TRPM5: variants seen among roughly 807,000 people sequenced by gnomAD.
The protein encoded by TRPM5 is MLSN1 and TRP-related.
Under a neutral mutation model 124.9 loss-of-function variants are expected in TRPM5, and 121 were observed. That is an observed-to-expected ratio of 0.97 (90% CI 0.84 to 1.13). The LOEUF (loss-of-function observed/expected upper bound fraction) is 1.13. Among genes scored for constraint, TRPM5 ranks in the 50% most tolerant of loss-of-function variants. TRPM5 has a pLI of 0.00. For synonymous variants in TRPM5, 781 were observed against 700.5 expected, an observed-to-expected ratio of 1.11 and a Z score of -1.81; for missense variants, 1,643 against 1,589.1, an observed-to-expected ratio of 1.03 and a Z score of -0.58.
exon 1 of TRPM5, chr11:2,422,926 T>C (rs1329215325): frequency 4.3e-6 from 7 of 1,613,196 alleles, no homozygotes; most frequent in Non-Finnish European, 5.9e-6. Flanking sequence ...TTACCTTGCC[T>C]CGCTTCTTCC....
intron 19 of TRPM5, 151 bp downstream of exon 24, chr11:2,407,608 G>A (rs1850349586): frequency 1.9e-6 from 2 of 1,065,404 alleles, no homozygotes; most frequent in Non-Finnish European, 2.7e-6. Context: ...AAGCCCTGCA[G>A]TCCAGGCTAT....
the TRPM5 span, among the ~76,000 whole-genome samples, chr11:2,431,004 A>G: frequency 6.6e-6 from 1 of 152,026 alleles, no homozygotes; most frequent in African/African-American, 2.4e-5. Flanking sequence ...AATAGTGGTT[A>G]TGGTAGCAGG....
chr11:2,441,691 T>C, the TRPM5 span, among the ~76,000 whole-genome samples: 2 of 151,876 alleles, frequency 1.3e-5, no homozygotes, highest in Non-Finnish European at 2.9e-5. This position sits in a 1 kb window ranked among gnomAD's most constrained non-coding sequence, Gnocchi z 7.2. Flanking sequence ...AGTGAGTTAT[T>C]AGAATTTTTT....
At chr11:2,413,083 C>T in intron 14 of TRPM5, 51 bp downstream of exon 19, 2 of 1,541,216 alleles carry the variant, frequency 1.3e-6, no homozygotes, top group Non-Finnish European at 1.8e-6. Flanking sequence ...TCCAGCCTCC[C>T]AGCCACCACC....
At chr11:2,431,724 C>G in the TRPM5 span, among the ~76,000 whole-genome samples, 1 of 148,048 alleles carries the variant, frequency 6.8e-6, no homozygotes, top group African/African-American at 2.6e-5. Flanking sequence ...GATCTCAGCT[C>G]TCATGTCCTT....
At chr11:2,404,833 G>C (rs538355771) in exon 24 of TRPM5, 1 of 898,180 alleles carries the variant, frequency 1.1e-6, no homozygotes, top group Non-Finnish European at 1.7e-6. Context: ...CTGGGGGGCT[G>C]GTGCCCCCTG....
At chr11:2,423,227 C>G (rs1039119609), upstream of TRPM5, among the ~76,000 whole-genome samples, 2 of 152,160 alleles carry the variant, frequency 1.3e-5, no homozygotes, top group Admixed American at 1.3e-4. Context: ...CCAGGCCCTG[C>G]CCAGCGACCC....
rs1468412119 is a variant in TRPM5 at position 2,414,846 on chromosome 11, A to T, written c.1621-8T>A. On this transcript the variant is annotated splice_polypyrimidine_tract_variant and splice_region_variant and intron_variant, in intron 10 of 23. Coordinates refer to ENST00000155858, the Ensembl canonical transcript of TRPM5. ...TGCCACACCTTCCTGGCCCTACGAG[A>T]CCTGGTCTCAGGAGGCCGCCCCTCC... is the stretch of plus-strand genomic sequence containing the variant. 1.9e-6 allele frequency: 3 copies of T among 1,591,020 alleles called. No homozygotes were observed. The highest frequency in any genetic ancestry group is 2.6e-6 in the Non-Finnish European group (3 of 1,170,032).
At chr11:2,434,134 T>C in the TRPM5 span, among the ~76,000 whole-genome samples, 1 of 151,354 alleles carries the variant, frequency 6.6e-6, no homozygotes, top group African/African-American at 2.4e-5. Flanking sequence ...TGTGTGTGGC[T>C]GTGTGTGTGG....
At chr11:2,440,276 G>A in the TRPM5 span, among the ~76,000 whole-genome samples, 1 of 152,064 alleles carries the variant, frequency 6.6e-6, no homozygotes, top group Admixed American at 6.6e-5. This position sits in a 1 kb window ranked among gnomAD's most constrained non-coding sequence, Gnocchi z 5.2. Context: ...TCAGCATCAC[G>A]CAATATACCT....
chr11:2,444,511 G>A, the TRPM5 span, among the ~76,000 whole-genome samples: 1 of 148,172 alleles, frequency 6.7e-6, no homozygotes, highest in Non-Finnish European at 1.5e-5. Flanking sequence ...CCAAGCAGGT[G>A]GGTGAGGGCA....
chr11:2,422,911 T>G lies in TRPM5; in HGVS notation c.117+9A>C. On this transcript the variant is annotated intron_variant, in intron 1 of 23. Transcript: ENST00000155858. The stretch of plus-strand genomic sequence containing the variant: ...CGGACATCACCTGAGGCCTGGGGCC[T>G]GCCCTTACCTTGCCTCGCTTCTTCC... 6.2e-7 allele frequency: 1 copy of G among 1,610,952 alleles called. No homozygotes were observed. Among genetic ancestry groups the G allele is most frequent in the Non-Finnish European group, 8.5e-7 (1 of 1,177,710 alleles).
chr11:2,439,261 G>A, the TRPM5 span, among the ~76,000 whole-genome samples: 25,140 of 152,158 alleles, frequency 0.17, 2,614 homozygotes, highest in African/African-American at 0.26. Context: ...CTGGACATCA[G>A]CGCTGGGAAA....
chr11:2,438,608 A>G, the TRPM5 span, among the ~76,000 whole-genome samples: 601 of 152,306 alleles, frequency 3.9e-3, 7 homozygotes, highest in African/African-American at 0.014. This position sits in a 1 kb window ranked among gnomAD's most constrained non-coding sequence, Gnocchi z 5.9. Context: ...TTGAGGCTGC[A>G]GTGAACCAGG....
At chr11:2,413,435 T>G (rs772850569) in intron 13 of TRPM5, 41 bp downstream of exon 18, 51 of 1,555,996 alleles carry the variant, frequency 3.3e-5, no homozygotes, top group Middle Eastern at 1.7e-4. Flanking sequence ...GCACTCGCAC[T>G]GCTGCCTGTC....
In TRPM5 at chr11:2,421,052, G is replaced by A. The variant is rs111504104; in HGVS notation, c.445C>T (p.Arg149Cys). ...TGCACCTGGGCCTCCTCCAGAATGC[G>A]GCGGTGCAGGACGCGGCCCAGCGAG... The change falls in exon 3 of 24, where the codon CGC (arginine) becomes TGC (cysteine). Residue 149 changes from arginine to cysteine, a missense_variant. Arg to Cys is a radical substitution (Grantham distance 180). Transcript: ENST00000155858. The A allele has an allele frequency of 6.6e-5, 102 of 1,545,808 alleles. No homozygotes were observed. Among genetic ancestry groups the A allele is most frequent in the Non-Finnish European group, 8.4e-5 (96 of 1,148,144 alleles).
intron 2 of TRPM5, 79 bp downstream of exon 7, chr11:2,422,062 G>C: frequency 1.4e-6 from 2 of 1,472,386 alleles, no homozygotes; most frequent in Non-Finnish European, 1.8e-6. Flanking sequence ...AGCACTGCCT[G>C]TGCCGGGTTG....
intron 7 of TRPM5, among the ~76,000 whole-genome samples, chr11:2,416,862 C>T (rs1228670186): frequency 6.6e-6 from 1 of 152,208 alleles, no homozygotes; most frequent in East Asian, 1.9e-4. Flanking sequence ...TGAACAGACG[C>T]ATCAACCACG....
the TRPM5 span, among the ~76,000 whole-genome samples, chr11:2,433,946 G>A: frequency 6.6e-6 from 1 of 152,174 alleles, no homozygotes; most frequent in Non-Finnish European, 1.5e-5. Context: ...CACAGTGTGT[G>A]AGTGTATATG....
Sources: gnomAD v4.1 joint callset for allele counts (sites outside exome capture counted in the v4.1 genomes callset) on GRCh38, gnomAD v4.1.1 for gene constraint, Gnocchi (gnomAD v3.1) non-coding constraint, MANE v1.5 for transcripts, NCBI Gene and HGNC (gene_info 2026-07-23, HGNC 2026-07-21) for gene names.